The following PYM1 variants were observed in gnomAD, a reference collection of about 807,000 sequenced individuals.
PYM1 encodes partner of Y14 and mago.
PYM1 carries 7 observed loss-of-function variants against 20.7 expected under a neutral mutation model. That is an observed-to-expected ratio of 0.34 (90% CI 0.19 to 0.64). The LOEUF (loss-of-function observed/expected upper bound fraction) is 0.64, where lower values mean the gene tolerates loss of function less well. PYM1 is among the 30% of genes least tolerant of loss of function. The probability of loss-of-function intolerance (pLI) is 0.74; values close to 1 mark genes in which losing one functional copy is unlikely to be tolerated. For synonymous variants in PYM1, 100 were observed against 99.2 expected, an observed-to-expected ratio of 1.01 and a Z score of -0.05; for missense variants, 194 against 250.0, an observed-to-expected ratio of 0.78 and a Z score of 1.51.
At chr12:55,909,015 A>T (rs991425649) in intron 1 of PYM1, among the ~76,000 whole-genome samples, 17 of 152,150 alleles carry the variant, frequency 1.1e-4, no homozygotes, top group African/African-American at 4.1e-4. Context: ...GAAAGTTGAG[A>T]GGTTCAGGTG....
chr12:55,913,054 C>G (rs773605657), intron 1 of PYM1, among the ~76,000 whole-genome samples: 2 of 151,988 alleles, frequency 1.3e-5, no homozygotes, highest in Admixed American at 6.6e-5. Context: ...CTTTTGCTTC[C>G]TCTGGCCTGG....
Position 55,905,976 on chromosome 12 carries a change from T to A in PYM1, c.38-2496A>T, listed in dbSNP as rs1363862513. Among the ~76,000 whole-genome samples, 22 of 130,580 alleles carry A rather than the reference T, an allele frequency of 1.7e-4. 1 individual carries two copies. Among genetic ancestry groups the A allele is most frequent in the East Asian group, 1.2e-3 (6 of 5,018 alleles). 85.7% of individuals were successfully genotyped at this position (130,580 alleles called of 152,430 possible). A position where few individuals can be genotyped will look rare whatever the true frequency, so the allele number is the denominator to read the frequency against. On this transcript the variant is annotated intron_variant, in intron 1 of 2. Coordinates refer to ENST00000408946, the MANE Select transcript of PYM1 (RefSeq NM_032345.3). ...TATATATATCTAATAGATATATATA[T>A]TATTATATATAATATAAAATAAATA...
chr12:55,915,852 GGGATAA>G (rs1882996817), intron 1 of PYM1, among the ~76,000 whole-genome samples: 1 of 152,154 alleles, frequency 6.6e-6, no homozygotes, highest in East Asian at 1.9e-4. Context: ...AAAGGGAAAG[GGGATAA>G]GAGGAACAAC....
At chr12:55,912,207 C>T (rs950515907) in intron 1 of PYM1, among the ~76,000 whole-genome samples, 2 of 151,458 alleles carry the variant, frequency 1.3e-5, no homozygotes, top group African/African-American at 2.4e-5. Context: ...AAAAAATTAG[C>T]TGGGCATGGT....
At chr12:55,926,432 T>C (rs1883188049) in intron 1 of PYM1, among the ~76,000 whole-genome samples, 1 of 152,226 alleles carries the variant, frequency 6.6e-6, no homozygotes, top group South Asian at 2.1e-4. Context: ...CTAGATACTT[T>C]CCTGTTTGCC....
chr12:55,914,779 AG>A, intron 1 of PYM1, among the ~76,000 whole-genome samples: 1 of 152,320 alleles, frequency 6.6e-6, no homozygotes, highest in South Asian at 2.1e-4. Flanking sequence ...AGAGAAGATG[AG>A]AGCTGGAGGA....
At chr12:55,906,696 T>G (rs1882822990) in intron 1 of PYM1, among the ~76,000 whole-genome samples, 1 of 152,134 alleles carries the variant, frequency 6.6e-6, no homozygotes, top group Non-Finnish European at 1.5e-5. Flanking sequence ...TTGCCCAGGC[T>G]GGAGTGCAAT....
chr12:55,902,447 T>C lies in PYM1; in HGVS notation c.132-92A>G, dbSNP rs547714542. ...TTCCAAACACTTCATCCTCATTACA[T>C]TCTTGCTTCCTTTTTTTGTTGTTGT... On this transcript the variant is annotated intron_variant, in intron 2 of 2. Coordinates refer to ENST00000408946, the MANE Select transcript of PYM1 (RefSeq NM_032345.3). 4.9e-5 allele frequency: 73 copies of C among 1,481,228 alleles called. 1 individual carries two copies. The highest frequency in any genetic ancestry group is 2.4e-4 in the Middle Eastern group (1 of 4,168). 91.8% of individuals were successfully genotyped at this position (1,481,228 alleles called of 1,614,324 possible).
At chr12:55,927,120 C>A (rs1186275052) in intron 1 of PYM1, 3 of 1,550,670 alleles carry the variant, frequency 1.9e-6, no homozygotes, top group Non-Finnish European at 2.6e-6. Flanking sequence ...CTTGAAAACG[C>A]AAACCACTTC....
chr12:55,923,527 T>C (rs1883135989), intron 1 of PYM1, among the ~76,000 whole-genome samples: 1 of 149,408 alleles, frequency 6.7e-6, no homozygotes, highest in South Asian at 2.1e-4. Flanking sequence ...ATTGCACCAC[T>C]GCACTCCAGC....
chr12:55,908,972 C>T (rs1882873713), intron 1 of PYM1, among the ~76,000 whole-genome samples: 1 of 152,024 alleles, frequency 6.6e-6, no homozygotes, highest in Admixed American at 6.6e-5. Flanking sequence ...CAAAGAAAGG[C>T]ATGGATGTGG....
chr12:55,910,860 A>T (rs901687138), intron 1 of PYM1, among the ~76,000 whole-genome samples: 1 of 152,204 alleles, frequency 6.6e-6, no homozygotes, highest in Non-Finnish European at 1.5e-5. Context: ...AGGTAAATTT[A>T]AACATTTCTG....
At chr12:55,916,798 C>T (rs1883015730) in intron 1 of PYM1, among the ~76,000 whole-genome samples, 1 of 151,436 alleles carries the variant, frequency 6.6e-6, no homozygotes, top group South Asian at 2.1e-4. Context: ...AAAAGTCGGT[C>T]TCAAAAAAAG....
intron 1 of PYM1, among the ~76,000 whole-genome samples, chr12:55,911,074 A>C (rs1164408139): frequency 1.3e-5 from 2 of 152,156 alleles, no homozygotes. Flanking sequence ...AGCCTGGAAG[A>C]AATAGATCTA....
rs1883221382 is a variant in PYM1 at position 55,927,713 on chromosome 12, C to T, written c.37+12G>A. The T allele has an allele frequency of 6.5e-7, 1 of 1,539,516 alleles. No individual in the cohort carries two copies. Among genetic ancestry groups the T allele is most frequent in the East Asian group, 2.4e-5 (1 of 40,896 alleles). On this transcript the variant is annotated intron_variant, in intron 1 of 2. Transcript: ENST00000408946. ...GGGGCGTGCAAGGCGGAGGGCGCCGCGGGTCGGTCACCTGTCTCCGTAGCC... is the reference window on the plus strand; with the variant it reads ...GGGGCGTGCAAGGCGGAGGGCGCCGTGGGTCGGTCACCTGTCTCCGTAGCC...
chr12:55,916,228 G>A (rs1022939788), intron 1 of PYM1, among the ~76,000 whole-genome samples: 1 of 152,136 alleles, frequency 6.6e-6, no homozygotes, highest in African/African-American at 2.4e-5. Flanking sequence ...CCAGCTACTC[G>A]GGAGGCTGAG....
intron 1 of PYM1, chr12:55,927,191 C>G: frequency 6.5e-7 from 1 of 1,542,590 alleles, no homozygotes; most frequent in South Asian, 1.2e-5. Context: ...CCGATCGTAG[C>G]AAGCCACCAT....
At chr12:55,919,374 G>C (rs192659002) in intron 1 of PYM1, among the ~76,000 whole-genome samples, 1 of 151,890 alleles carries the variant, frequency 6.6e-6, no homozygotes, top group South Asian at 2.1e-4. Context: ...GGCTGGTCTC[G>C]AATTCCTGGG....
At position 55,901,540 on chromosome 12, in the gene PYM1, C is replaced by G; in HGVS notation, c.*332G>C. On this transcript the variant is annotated 3_prime_UTR_variant, in exon 3 of 3. Coordinates refer to ENST00000408946, the MANE Select transcript of PYM1 (RefSeq NM_032345.3). ...CAAGACTCCAAGACTTGGGCATACT[C>G]CCTCTACCCTCAGCCTCAGTTCTCC... The G allele has an allele frequency of 3.9e-6, 1 of 258,530 alleles. No individual in the cohort carries two copies. The highest frequency in any genetic ancestry group is 7.4e-6 in the Non-Finnish European group (1 of 134,702). The allele number at this position is 258,530 out of a possible 1,614,324, so 16.0% of individuals were successfully genotyped here. A position where few individuals can be genotyped will look rare whatever the true frequency, so the allele number is the denominator to read the frequency against.
Sources: allele counts gnomAD v4.1 joint callset (sites outside exome capture counted in the v4.1 genomes callset), GRCh38; gene constraint gnomAD v4.1.1; transcripts MANE v1.5; gene names NCBI Gene and HGNC (gene_info 2026-07-23, HGNC 2026-07-21).